The following EXOC4 variants were observed in gnomAD, a reference collection of about 807,000 sequenced individuals.
The protein encoded by EXOC4 is SEC8-like 1.
In EXOC4, 71 loss-of-function variants were observed where a neutral mutation model predicts 107.2. The ratio of observed to expected loss-of-function variants is 0.66; its 90% CI spans 0.55 to 0.81. EXOC4 has a LOEUF of 0.81. Among genes scored for constraint, EXOC4 ranks in the 30% least tolerant of loss-of-function variants. The pLI is 0.00. For missense variants in EXOC4, 1,108 were observed against 1,189.6 expected, an observed-to-expected ratio of 0.93 and a Z score of 1.01; for synonymous variants, 456 against 441.2, an observed-to-expected ratio of 1.03 and a Z score of -0.42.
intron 10 of EXOC4, among the ~76,000 whole-genome samples, chr7:133,782,096 T>C (rs1404554198): frequency 6.6e-6 from 1 of 152,208 alleles, no homozygotes; most frequent in Non-Finnish European, 1.5e-5. Flanking sequence ...TGGGTTGCAG[T>C]ATTGTCTGCA....
At chr7:133,352,098 A>G (rs1795924178) in intron 5 of EXOC4, among the ~76,000 whole-genome samples, 1 of 151,896 alleles carries the variant, frequency 6.6e-6, no homozygotes, top group African/African-American at 2.4e-5. Flanking sequence ...AGCCTAATAT[A>G]TGGTTTGTCC....
chr7:133,432,481 A>G (rs1410496205), intron 7 of EXOC4, among the ~76,000 whole-genome samples: 1 of 152,186 alleles, frequency 6.6e-6, no homozygotes, highest in South Asian at 2.1e-4. Context: ...ATTTTGGTAG[A>G]TAGATATATA....
chr7:133,763,824 T>C (rs1006258493), intron 10 of EXOC4, among the ~76,000 whole-genome samples: 1 of 151,964 alleles, frequency 6.6e-6, no homozygotes, highest in African/African-American at 2.4e-5. Flanking sequence ...ACAAAGAAAA[T>C]AGAATTCTCT....
At chr7:133,384,312 G>T (rs1796679624) in intron 7 of EXOC4, among the ~76,000 whole-genome samples, 1 of 152,152 alleles carries the variant, frequency 6.6e-6, no homozygotes, top group Admixed American at 6.6e-5. Flanking sequence ...GCCTGCTCGG[G>T]CCTCATTACG....
chr7:133,950,402 C>G (rs552996714), intron 14 of EXOC4, among the ~76,000 whole-genome samples: 1 of 152,144 alleles, frequency 6.6e-6, no homozygotes, highest in Non-Finnish European at 1.5e-5. Context: ...TTTAAAAGAT[C>G]TGTATACTTT....
intron 9 of EXOC4, among the ~76,000 whole-genome samples, chr7:133,531,985 A>T (rs973244533): frequency 2.0e-5 from 3 of 152,040 alleles, no homozygotes; most frequent in Admixed American, 6.6e-5. Flanking sequence ...CACGAAATTC[A>T]TTTGTTTTTT....
intron 9 of EXOC4, among the ~76,000 whole-genome samples, chr7:133,485,003 C>T (rs1166342712): frequency 6.7e-6 from 1 of 149,820 alleles, no homozygotes; most frequent in African/African-American, 2.5e-5. Flanking sequence ...TCGCTTGAAC[C>T]TGGAAGGTGG....
At chr7:133,739,179 A>G (rs1231054639) in intron 10 of EXOC4, among the ~76,000 whole-genome samples, 1 of 151,732 alleles carries the variant, frequency 6.6e-6, no homozygotes, top group African/African-American at 2.4e-5. Context: ...ATTGAAGTTT[A>G]TCGTGACATC....
intron 11 of EXOC4, among the ~76,000 whole-genome samples, chr7:133,879,712 G>A (rs1450802254): frequency 6.6e-6 from 1 of 152,142 alleles, no homozygotes; most frequent in Non-Finnish European, 1.5e-5. Context: ...CTGGATTCTA[G>A]ATTTTGAAGT....
chr7:133,888,223 G>C (rs894707500), intron 11 of EXOC4, among the ~76,000 whole-genome samples: 9 of 152,056 alleles, frequency 5.9e-5, no homozygotes, highest in Non-Finnish European at 7.4e-5. Context: ...ATACACCTTT[G>C]TTTATTCTTT....
chr7:133,642,938 A>G (rs1477986110), intron 10 of EXOC4, among the ~76,000 whole-genome samples: 20 of 152,212 alleles, frequency 1.3e-4, no homozygotes, highest in Non-Finnish European at 8.8e-5. Context: ...TTATCCTTCA[A>G]GAATCAGCGC....
chr7:133,268,719 A>T (rs1271018548), intron 1 of EXOC4, among the ~76,000 whole-genome samples: 1 of 152,146 alleles, frequency 6.6e-6, no homozygotes, highest in African/African-American at 2.4e-5. Flanking sequence ...TATGGGACTC[A>T]CTTGGAGCTC....
At chr7:133,459,418 G>A (rs1798537353) in intron 7 of EXOC4, among the ~76,000 whole-genome samples, 1 of 152,156 alleles carries the variant, frequency 6.6e-6, no homozygotes. Context: ...TCCTGGCTGT[G>A]GTTGTCTTTT....
At chr7:133,293,152 T>C (rs1794444243) in intron 3 of EXOC4, among the ~76,000 whole-genome samples, 1 of 152,050 alleles carries the variant, frequency 6.6e-6, no homozygotes, top group Admixed American at 6.6e-5. Flanking sequence ...TTCTGAGGAG[T>C]TGGCATATCC....
At chr7:133,948,624 G>A (rs929670872) in intron 14 of EXOC4, among the ~76,000 whole-genome samples, 8 of 152,108 alleles carry the variant, frequency 5.3e-5, no homozygotes, top group Non-Finnish European at 8.8e-5. Context: ...AGGATACTAC[G>A]GTAATGATAA....
At chr7:133,275,244 A>G (rs1018027161) in intron 2 of EXOC4, 73 bp downstream of exon 2, 60 of 1,245,450 alleles carry the variant, frequency 4.8e-5, no homozygotes, top group Non-Finnish European at 5.9e-5. Flanking sequence ...GAGAGGAGCC[A>G]TGGTAGTGGC....
chr7:133,441,692 C>T (rs964477460), intron 7 of EXOC4, among the ~76,000 whole-genome samples: 3 of 152,148 alleles, frequency 2.0e-5, no homozygotes, highest in South Asian at 2.1e-4. Context: ...TGTGTGCCAC[C>T]GTGCTCCGCC....
intron 7 of EXOC4, among the ~76,000 whole-genome samples, chr7:133,444,215 G>A (rs991792454): frequency 2.0e-5 from 3 of 152,188 alleles, no homozygotes; most frequent in Non-Finnish European, 4.4e-5. Flanking sequence ...GAGAGATTCT[G>A]AATGAGAGCC....
the EXOC4 span, among the ~76,000 whole-genome samples, chr7:134,088,985 A>G: frequency 0.037 from 5,689 of 152,274 alleles, 318 homozygotes; most frequent in African/African-American, 0.12. Flanking sequence ...AAATAAATCT[A>G]TCCAATCTTA....
Sources: allele counts gnomAD v4.1 joint callset (sites outside exome capture counted in the v4.1 genomes callset), GRCh38; gene constraint gnomAD v4.1.1; transcripts MANE v1.5; gene names NCBI Gene and HGNC (gene_info 2026-07-23, HGNC 2026-07-21).